Variants in RIMKLB observed in about 807,000 individuals in gnomAD.
The protein encoded by RIMKLB is beta-citrylglutamate synthase B.
In RIMKLB, 7 loss-of-function variants were observed where a neutral mutation model predicts 32.0. The observed-to-expected ratio is 0.22, with a 90% confidence interval of 0.12 to 0.41. RIMKLB has a LOEUF of 0.41. Among genes scored for constraint, RIMKLB ranks in the 10% least tolerant of loss-of-function variants. The pLI, the probability that RIMKLB is intolerant of heterozygous loss-of-function variation, is 1.00. For missense variants in RIMKLB, 289 were observed against 498.7 expected (o/e 0.58, Z 4.00); for synonymous variants, 172 against 185.1 (o/e 0.93, Z 0.57).
At chr12:8,713,700 T>G (rs1160792713) in intron 1 of RIMKLB, 111 bp from the exon 2 acceptor site, 2 of 692,766 alleles carry the variant, frequency 2.9e-6, no homozygotes, top group Non-Finnish European at 4.8e-6. Flanking sequence ...CTACACGTGT[T>G]TTTTCCTGTT....
At chr12:8,758,103 G>A (rs775966920) in intron 5 of RIMKLB, among the ~76,000 whole-genome samples, 6 of 151,898 alleles carry the variant, frequency 4.0e-5, no homozygotes, top group Non-Finnish European at 7.4e-5. Flanking sequence ...GGCCTGTCAT[G>A]TCATTATTTT....
intron 5 of RIMKLB, among the ~76,000 whole-genome samples, chr12:8,769,239 C>T (rs1179406817): frequency 6.6e-6 from 1 of 151,932 alleles, no homozygotes; most frequent in East Asian, 1.9e-4. Context: ...ATTTTCTTGA[C>T]TTACTAATGT....
intron 2 of RIMKLB, among the ~76,000 whole-genome samples, chr12:8,728,962 C>T (rs1225156869): frequency 6.6e-6 from 1 of 152,116 alleles, no homozygotes; most frequent in East Asian, 1.9e-4. Context: ...GGGTGAACTC[C>T]ACTCACTTAC....
intron 5 of RIMKLB, among the ~76,000 whole-genome samples, chr12:8,766,248 T>C (rs1949948730): frequency 6.6e-6 from 1 of 152,288 alleles, no homozygotes; most frequent in Middle Eastern, 3.4e-3. Context: ...GCTTATCGGA[T>C]TAGTTACGCT....
chr12:8,703,584 A>G (rs1943598739), intron 1 of RIMKLB, among the ~76,000 whole-genome samples: 1 of 151,862 alleles, frequency 6.6e-6, no homozygotes, highest in South Asian at 2.1e-4. Context: ...TCAGCCTCCT[A>G]AAGTGTTGAT....
intron 5 of RIMKLB, 100 bp downstream of exon 5, chr12:8,754,193 G>T: frequency 1.2e-6 from 1 of 823,928 alleles, no homozygotes; most frequent in Non-Finnish European, 2.0e-6. Context: ...TTAATAAGTT[G>T]AAAAACGTAT....
In RIMKLB at chr12:8,690,274, T is replaced by G. The variant is rs369244590; in HGVS notation, n.219+8456T>G. Among the ~76,000 whole-genome samples, 20 of 152,344 alleles carry G rather than the reference T, an allele frequency of 1.3e-4. 1 individual carries two copies. The East Asian group carries it at 2.5e-3, about 19-fold the overall frequency. ...ACATATTTGAAGAATCATGTATGTG[T>G]TAGTAACAATTTTTTGTTGAATCTT... On this transcript the variant is annotated intron_variant and non_coding_transcript_variant, in intron 1 of 1. Transcript: ENST00000538758.
chr12:8,727,194 G>A (rs751773462), intron 2 of RIMKLB, among the ~76,000 whole-genome samples: 20 of 152,146 alleles, frequency 1.3e-4, no homozygotes, highest in African/African-American at 1.7e-4. Flanking sequence ...GATTATACAC[G>A]CAATCAAATA....
rs1243261523 is a variant in RIMKLB at position 8,754,037 on chromosome 12, T to C, written c.641T>C (p.Val214Ala). The change falls in exon 5 of 6, where the codon GTT becomes GCT. Residue 214 changes from valine to alanine, a missense_variant. Physicochemically the swap from Val to Ala is moderately conservative, Grantham distance 64 (BLOSUM62 0). Transcript: ENST00000535829. The part of the protein sequence containing the change: ...VRVIVVGGRV[V>A]GTMLRCSTDG... Reference sequence around the variant, plus strand: ...GTCATTGTCGTGGGAGGCCGTGTGGTTGGCACCATGTTACGTTGTTCAACA... The same window carrying C: ...GTCATTGTCGTGGGAGGCCGTGTGGCTGGCACCATGTTACGTTGTTCAACA... 1.2e-6 allele frequency: 2 copies of C among 1,613,982 alleles called. No homozygotes were observed. The highest frequency in any genetic ancestry group is 1.3e-5 in the African/African-American group (1 of 74,928).
intron 5 of RIMKLB, among the ~76,000 whole-genome samples, chr12:8,771,705 GTAGA>G (rs1437030831): frequency 1.3e-5 from 2 of 151,824 alleles, no homozygotes; most frequent in African/African-American, 4.8e-5. Context: ...TTGGGATTTT[GTAGA>G]TATATTTGTG....
At chr12:8,724,274 C>CT (rs775752922) in intron 2 of RIMKLB, among the ~76,000 whole-genome samples, 3 of 152,120 alleles carry the variant, frequency 2.0e-5, no homozygotes, top group Non-Finnish European at 4.4e-5. Context: ...AGATGATTCT[C>CT]TTTGTTGAAC....
At position 8,774,989 on chromosome 12, in the gene RIMKLB, TA is replaced by T. The variant is rs1018882340; in HGVS notation, c.*1211del. The T allele has an allele frequency of 3.8e-5, 37 of 985,720 alleles. No homozygotes were observed. The highest frequency in any genetic ancestry group is 5.2e-4 in the Middle Eastern group (1 of 1,914). 61.1% of individuals were successfully genotyped at this position (985,720 alleles called of 1,614,324 possible). On this transcript the variant is annotated 3_prime_UTR_variant, in exon 6 of 6. Coordinates refer to ENST00000535829, the MANE Select transcript of RIMKLB (RefSeq NM_001297776.2). ...TGATGGGAAACAGAGTTTTTGACTT[TA>T]AAAAACAGATGAGTTGTTTTCATAA... is the stretch of plus-strand genomic sequence containing the variant.
chr12:8,738,201 C>G (rs1732744814), intron 2 of RIMKLB, among the ~76,000 whole-genome samples: 1 of 152,080 alleles, frequency 6.6e-6, no homozygotes, highest in Non-Finnish European at 1.5e-5. Flanking sequence ...ACCACTGTGC[C>G]CAGCTAAGTT....
chr12:8,744,582 A>C (rs1289449947), intron 2 of RIMKLB, among the ~76,000 whole-genome samples: 1 of 151,574 alleles, frequency 6.6e-6, no homozygotes, highest in African/African-American at 2.4e-5. Flanking sequence ...CTTTCATTTA[A>C]TGGTTTTGAT....
At chr12:8,780,547 A>G (rs1350489048), downstream of RIMKLB, 1 of 152,240 alleles carries the variant, frequency 6.6e-6, no homozygotes, top group Non-Finnish European at 1.5e-5. Flanking sequence ...GTAAGCAAGA[A>G]CTTTTTCTAT....
chr12:8,766,537 T>A (rs1949982130), intron 5 of RIMKLB, among the ~76,000 whole-genome samples: 1 of 152,350 alleles, frequency 6.6e-6, no homozygotes, highest in Non-Finnish European at 1.5e-5. Context: ...TTTTTGATTC[T>A]GTAAGTACTT....
Position 8,775,084 on chromosome 12 carries a change from T to G in RIMKLB, c.*1300T>G, listed in dbSNP as rs1314215635. On this transcript the variant is annotated 3_prime_UTR_variant, in exon 6 of 6. Coordinates refer to ENST00000535829, the MANE Select transcript of RIMKLB (RefSeq NM_001297776.2). ...TGAGTAGATGCTTTTTTAGGCCTTT[T>G]TGTGTATATGTACGTTGTTTGTTTT... The G allele has an allele frequency of 1.0e-6, 1 of 985,674 alleles. No homozygotes were observed. Among genetic ancestry groups the G allele is most frequent in the African/African-American group, 1.7e-5 (1 of 57,234 alleles). The allele number at this position is 985,674 out of a possible 1,614,324, so 61.1% of individuals were successfully genotyped here.
chr12:8,695,843 G>A (rs1041010614), upstream of RIMKLB, among the ~76,000 whole-genome samples: 5 of 152,032 alleles, frequency 3.3e-5, no homozygotes, highest in Admixed American at 1.3e-4. Context: ...ACAGGCGTGC[G>A]CTATCACGCC....
At chr12:8,720,391 TTTATG>T (rs1379203486) in intron 2 of RIMKLB, among the ~76,000 whole-genome samples, 1 of 152,172 alleles carries the variant, frequency 6.6e-6, no homozygotes, top group East Asian at 1.9e-4. Flanking sequence ...TTGAGAAACT[TTTATG>T]TGCCAGATAC....
Sources: allele counts gnomAD v4.1 joint callset (sites outside exome capture counted in the v4.1 genomes callset), GRCh38; gene constraint gnomAD v4.1.1; transcripts MANE v1.5; gene names NCBI Gene and HGNC (gene_info 2026-07-23, HGNC 2026-07-21).